CHN2: variants seen among roughly 807,000 people sequenced by gnomAD.
CHN2 encodes beta-chimaerin.
In CHN2, 35 loss-of-function variants were observed where a neutral mutation model predicts 56.3. The observed-to-expected ratio is 0.62, with a 90% CI of 0.47 to 0.82. The LOEUF is 0.82. Ranked by LOEUF, CHN2 falls within the 40% of genes least tolerant of loss-of-function variation. The probability of loss-of-function intolerance (pLI) is 0.00; values close to 1 mark genes in which losing one functional copy is unlikely to be tolerated. For synonymous variants in CHN2, 210 were observed against 212.8 expected (o/e 0.99, Z 0.12); for missense variants, 491 against 580.5 (o/e 0.85, Z 1.58).
intron 6 of CHN2, among the ~76,000 whole-genome samples, chr7:29,448,590 T>C (rs1264415039): frequency 6.6e-6 from 1 of 152,214 alleles, no homozygotes; most frequent in African/African-American, 2.4e-5. Flanking sequence ...CCCACTTCCC[T>C]TACTTTCTTC....
chr7:29,417,084 C>G (rs901633115), intron 6 of CHN2, among the ~76,000 whole-genome samples: 1 of 152,198 alleles, frequency 6.6e-6, no homozygotes, highest in Non-Finnish European at 1.5e-5. Flanking sequence ...CCAGCTACCT[C>G]TGCAGCGCGT....
chr7:29,511,473 T>C (rs1026998094), intron 12 of CHN2, among the ~76,000 whole-genome samples: 1 of 152,188 alleles, frequency 6.6e-6, no homozygotes, highest in African/African-American at 2.4e-5. Flanking sequence ...TAATACTGTA[T>C]CTTTATCATA....
chr7:29,398,132 A>G (rs552600274), intron 4 of CHN2: 139 of 364,414 alleles, frequency 3.8e-4, no homozygotes, highest in Non-Finnish European at 6.0e-4. Flanking sequence ...AAGCAAAGAC[A>G]ATAGCAGAAA....
chr7:29,330,271 T>C (rs1796121288), intron 1 of CHN2, among the ~76,000 whole-genome samples: 1 of 152,228 alleles, frequency 6.6e-6, no homozygotes, highest in Non-Finnish European at 1.5e-5. Flanking sequence ...TGGTTCGTAG[T>C]AAAGTGCTTT....
intron 6 of CHN2, 147 bp from the exon 7 acceptor site, chr7:29,480,132 C>G (rs772843756): frequency 1.3e-6 from 2 of 1,558,332 alleles, no homozygotes; most frequent in Non-Finnish European, 1.7e-6. Flanking sequence ...AGAACTGTGG[C>G]TGGAAAATGA....
chr7:29,513,965 A>G lies in CHN2; in HGVS notation c.*1230A>G, dbSNP rs1791785004. The stretch of plus-strand genomic sequence containing the variant: ...AAAAACTGTAAATCTAGATTTTTAA[A>G]AAATCCAACTGCAATGTCTTTTCCT... On this transcript the variant is annotated 3_prime_UTR_variant, in exon 13 of 13. Transcript: ENST00000222792. 1 of 152,662 alleles carries G rather than the reference A, an allele frequency of 6.6e-6. No homozygotes were observed. The highest frequency in any genetic ancestry group is 2.4e-5 in the African/African-American group (1 of 41,454). The allele number at this position is 152,662 out of a possible 1,614,324, so 9.5% of individuals were successfully genotyped here.
At chr7:29,335,738 C>A (rs1483287269) in intron 1 of CHN2, 1 of 152,228 alleles carries the variant, frequency 6.6e-6, no homozygotes, top group African/African-American at 2.4e-5. Context: ...CTAGTCCTGT[C>A]AACATTGTGA....
At chr7:29,180,937 A>G (rs1797995836) in intron 2 of CHN2, among the ~76,000 whole-genome samples, 1 of 152,230 alleles carries the variant, frequency 6.6e-6, no homozygotes, top group African/African-American at 2.4e-5. Context: ...AACTCTTGGT[A>G]CCAATCACTG....
chr7:29,168,668 C>T (rs1362969824), intron 2 of CHN2, among the ~76,000 whole-genome samples: 1 of 152,212 alleles, frequency 6.6e-6, no homozygotes, highest in Non-Finnish European at 1.5e-5. Flanking sequence ...CCCTCTTCCC[C>T]CTCAAACCTC....
At chr7:29,425,286 TCTC>T (rs1276733524) in intron 6 of CHN2, among the ~76,000 whole-genome samples, 1 of 152,166 alleles carries the variant, frequency 6.6e-6, no homozygotes, top group Non-Finnish European at 1.5e-5. Flanking sequence ...AGAGCTGTCT[TCTC>T]CTCCCACTAC....
intron 1 of CHN2, chr7:29,213,211 T>A: frequency 8.4e-7 from 1 of 1,192,356 alleles, no homozygotes; most frequent in Non-Finnish European, 1.2e-6. Flanking sequence ...CCTGAAGATG[T>A]GTGAAGATGA....
intron 6 of CHN2, 46 bp downstream of exon 6, chr7:29,400,874 G>T (rs56732951): frequency 1.9e-6 from 3 of 1,577,862 alleles, no homozygotes; most frequent in East Asian, 2.3e-5. Flanking sequence ...AATCCATGCC[G>T]CATCAACAGG....
At chr7:29,171,872 A>G (rs776785585) in intron 2 of CHN2, among the ~76,000 whole-genome samples, 23 of 152,198 alleles carry the variant, frequency 1.5e-4, no homozygotes, top group Non-Finnish European at 3.2e-4. Context: ...TATAGTTCTT[A>G]CAAATGGACT....
rs546538064 is a variant in CHN2 at position 29,235,790 on chromosome 7, A to G, written c.49+40800A>G. ...CTTAAGTAAATTCATACAGGAACTG[A>G]CAACCAAATACCGCATGTTCTCACT... On this transcript the variant is annotated intron_variant, in intron 1 of 12. Coordinates refer to ENST00000222792, the MANE Select transcript of CHN2 (RefSeq NM_004067.4). Among the ~76,000 whole-genome samples, 51 of 152,344 alleles carry G rather than the reference A, an allele frequency of 3.3e-4. 1 individual carries two copies. The South Asian group carries it at 0.011, about 32-fold the overall frequency.
At chr7:29,302,296 C>T (rs1793747833) in intron 1 of CHN2, among the ~76,000 whole-genome samples, 1 of 149,938 alleles carries the variant, frequency 6.7e-6, no homozygotes, top group Non-Finnish European at 1.5e-5. Context: ...TCTTCCTCCT[C>T]TTCTTCCTTC....
intron 1 of CHN2, among the ~76,000 whole-genome samples, chr7:29,277,993 C>T (rs950209208): frequency 2.6e-5 from 4 of 152,158 alleles, no homozygotes; most frequent in Non-Finnish European, 1.5e-5. Flanking sequence ...TGAGTGTGTG[C>T]AGTCATATAG....
At chr7:29,367,866 C>T (rs1221487777) in intron 2 of CHN2, 66 bp from the exon 3 acceptor site, 21 of 1,356,172 alleles carry the variant, frequency 1.5e-5, no homozygotes, top group South Asian at 1.3e-4. Context: ...TTTGAAGGCA[C>T]GTTGATATGT....
intron 2 of CHN2, among the ~76,000 whole-genome samples, chr7:29,149,569 G>A (rs1443944994): frequency 6.6e-6 from 1 of 152,154 alleles, no homozygotes. Context: ...CATAGGACAG[G>A]AGTATGTGCT....
chr7:29,367,714 TAAA>T (rs900002026), intron 2 of CHN2, among the ~76,000 whole-genome samples: 1 of 152,148 alleles, frequency 6.6e-6, no homozygotes, highest in Non-Finnish European at 1.5e-5. Flanking sequence ...CTTATAAGAA[TAAA>T]AAAATCAATT....
Sources: gnomAD v4.1 joint callset for allele counts (sites outside exome capture counted in the v4.1 genomes callset) on GRCh38, gnomAD v4.1.1 for gene constraint, MANE v1.5 for transcripts, NCBI Gene and HGNC (gene_info 2026-07-23, HGNC 2026-07-21) for gene names.